TMEM135: variants seen among roughly 807,000 people sequenced by gnomAD.
TMEM135 encodes the protein transmembrane protein 135, also known as peroxisomal membrane protein 52.
TMEM135 carries 30 observed loss-of-function variants against 60.3 expected under a neutral mutation model. That is an observed-to-expected ratio of 0.50 (90% confidence interval 0.37 to 0.68). The LOEUF is 0.68. Ranked by LOEUF, TMEM135 falls within the 30% of genes least tolerant of loss-of-function variation. The pLI is 0.00. For missense variants in TMEM135, 468 were observed against 548.8 expected (o/e 0.85, Z 1.47); for synonymous variants, 190 against 186.7 (o/e 1.02, Z -0.14).
At chr11:87,174,457 A>G (rs1939318839) in intron 5 of TMEM135, among the ~76,000 whole-genome samples, 1 of 152,108 alleles carries the variant, frequency 6.6e-6, no homozygotes, top group African/African-American at 2.4e-5. Flanking sequence ...TATACTTAGT[A>G]AGCTCTACAT....
At chr11:87,040,698 G>C (rs1273423895) in intron 1 of TMEM135, among the ~76,000 whole-genome samples, 2 of 150,930 alleles carry the variant, frequency 1.3e-5, no homozygotes, top group Non-Finnish European at 2.9e-5. Flanking sequence ...ATCAGGATTT[G>C]AATCTCAGCT....
intron 5 of TMEM135, among the ~76,000 whole-genome samples, chr11:87,202,944 A>AATG (rs973749617): frequency 1.3e-5 from 2 of 149,410 alleles, no homozygotes; most frequent in Non-Finnish European, 3.0e-5. Context: ...GAGGCAGGAG[A>AATG]ATGGCGTGAA....
At chr11:87,073,663 GTTTAT>G (rs922533240) in intron 3 of TMEM135, among the ~76,000 whole-genome samples, 4 of 151,822 alleles carry the variant, frequency 2.6e-5, no homozygotes, top group Admixed American at 6.6e-5. Context: ...TTGTAGGATT[GTTTAT>G]TTTATTTTTT....
At position 87,091,262 on chromosome 11, in the gene TMEM135, T is replaced by C. The variant is rs1003622685; in HGVS notation, c.363-100T>C. On this transcript the variant is annotated intron_variant, in intron 3 of 14. Transcript: ENST00000305494. ...TCTAAGATACCAGTACGTTTCTCAA[T>C]TTCTGAGAATATAATTCTTTTTATA... is the stretch of plus-strand genomic sequence containing the variant. The C allele has an allele frequency of 4.5e-6, 5 of 1,105,164 alleles. No individual in the cohort carries two copies. In the Admixed American group the frequency reaches 1.0e-4, roughly 23 times the overall value. The allele number at this position is 1,105,164 out of a possible 1,614,324, so 68.5% of individuals were successfully genotyped here.
intron 4 of TMEM135, among the ~76,000 whole-genome samples, chr11:87,124,189 T>C (rs916481575): frequency 1.3e-5 from 2 of 152,004 alleles, no homozygotes; most frequent in African/African-American, 4.8e-5. Context: ...TGGCTTAAGA[T>C]AAAAAAATAG....
chr11:87,267,451 G>T (rs899454616), intron 6 of TMEM135, among the ~76,000 whole-genome samples: 3 of 151,992 alleles, frequency 2.0e-5, no homozygotes, highest in Non-Finnish European at 2.9e-5. Context: ...ATGATTGTGG[G>T]GGCTTTATTA....
chr11:87,167,289 C>T (rs960121926), intron 5 of TMEM135, among the ~76,000 whole-genome samples: 2 of 152,090 alleles, frequency 1.3e-5, no homozygotes, highest in South Asian at 2.1e-4. Flanking sequence ...TATTTGAGTA[C>T]GCTTTATTTC....
intron 5 of TMEM135, among the ~76,000 whole-genome samples, chr11:87,213,417 G>A (rs1237280436): frequency 6.6e-6 from 1 of 152,172 alleles, no homozygotes; most frequent in Non-Finnish European, 1.5e-5. Context: ...GGTACCTAGA[G>A]TGTAATGAGA....
At chr11:87,245,529 G>T (rs894165601) in intron 6 of TMEM135, among the ~76,000 whole-genome samples, 5 of 143,982 alleles carry the variant, frequency 3.5e-5, no homozygotes, top group Non-Finnish European at 6.1e-5. Flanking sequence ...ATGAATCTGG[G>T]TGCTCCTGTA....
chr11:87,185,591 G>T (rs1204310469), intron 5 of TMEM135, among the ~76,000 whole-genome samples: 1 of 151,940 alleles, frequency 6.6e-6, no homozygotes, highest in Non-Finnish European at 1.5e-5. Context: ...GGTTGGCTTT[G>T]TTTGTATGTC....
intron 5 of TMEM135, among the ~76,000 whole-genome samples, chr11:87,196,984 G>C (rs1329995348): frequency 6.6e-6 from 1 of 151,966 alleles, no homozygotes; most frequent in Admixed American, 6.6e-5. Flanking sequence ...GTGAGATACT[G>C]ATGAAACATA....
intron 5 of TMEM135, among the ~76,000 whole-genome samples, chr11:87,227,694 A>T (rs560220614): frequency 6.6e-6 from 1 of 152,164 alleles, no homozygotes; most frequent in Non-Finnish European, 1.5e-5. Flanking sequence ...AAATATTATG[A>T]TAATGATATG....
Position 87,112,290 on chromosome 11 carries a change from G to A in TMEM135, c.396+20895G>A, listed in dbSNP as rs1258509268. ...CTTTTAGGAATTAAATTATTCAAGT[G>A]TATTGTACTTTTAAAACCAAAGGAA... is the stretch of plus-strand genomic sequence containing the variant. On this transcript the variant is annotated intron_variant, in intron 4 of 14. Transcript: ENST00000305494. Among the ~76,000 whole-genome samples, 6 of 152,110 alleles carry A rather than the reference G, an allele frequency of 3.9e-5. No individual in the cohort carries two copies. In the East Asian group the frequency reaches 1.2e-3, roughly 29 times the overall value.
chr11:87,304,678 T>A (rs1942510311), intron 8 of TMEM135, among the ~76,000 whole-genome samples: 1 of 152,212 alleles, frequency 6.6e-6, no homozygotes, highest in African/African-American at 2.4e-5. Context: ...TGGATTTCTG[T>A]AAAGGTCTTG....
intron 3 of TMEM135, among the ~76,000 whole-genome samples, chr11:87,086,524 C>T (rs1397481458): frequency 1.3e-5 from 2 of 152,026 alleles, no homozygotes; most frequent in South Asian, 2.1e-4. Flanking sequence ...GGAGAGGAGA[C>T]GTGGGGGTGG....
chr11:87,070,816 A>G (rs564550813), intron 2 of TMEM135, among the ~76,000 whole-genome samples: 1 of 152,238 alleles, frequency 6.6e-6, no homozygotes. Context: ...TAAATGCTGT[A>G]AGAAAAAGTT....
intron 1 of TMEM135, among the ~76,000 whole-genome samples, chr11:87,057,866 A>G (rs1949908611): frequency 6.6e-6 from 1 of 151,938 alleles, no homozygotes; most frequent in African/African-American, 2.4e-5. Context: ...TGGAGGCTTA[A>G]TAAATGCCAA....
At chr11:87,291,999 C>A (rs940992301) in intron 6 of TMEM135, among the ~76,000 whole-genome samples, 1 of 152,140 alleles carries the variant, frequency 6.6e-6, no homozygotes, top group Non-Finnish European at 1.5e-5. Flanking sequence ...CTACTTCCCT[C>A]CCCTATTTTG....
At chr11:87,118,699 C>T (rs1477320402) in intron 4 of TMEM135, among the ~76,000 whole-genome samples, 8 of 152,198 alleles carry the variant, frequency 5.3e-5, no homozygotes, top group Admixed American at 5.2e-4. Flanking sequence ...ATCGTGACCT[C>T]CCAAAGTGCT....
Sources: allele counts gnomAD v4.1 joint callset (sites outside exome capture counted in the v4.1 genomes callset), GRCh38; gene constraint gnomAD v4.1.1; transcripts MANE v1.5; gene names NCBI Gene and HGNC (gene_info 2026-07-23, HGNC 2026-07-21).